The following MGST1 variants were observed in gnomAD, a reference collection of about 807,000 sequenced individuals.
The protein encoded by MGST1 is microsomal glutathione S-transferase 1, also known as glutathione S-transferase 12.
MGST1 carries 5 observed loss-of-function variants against 8.9 expected under a neutral mutation model. That is an observed-to-expected ratio of 0.56 (90% CI 0.29 to 1.19). The LOEUF (loss-of-function observed/expected upper bound fraction) is 1.19, where lower values mean the gene tolerates loss of function less well. Among genes scored for constraint, MGST1 ranks in the 50% most tolerant of loss-of-function variants. MGST1 has a pLI of 0.08. For missense variants in MGST1, 182 were observed against 187.4 expected (o/e 0.97, Z 0.17); for synonymous variants, 54 against 67.8 (o/e 0.80, Z 1.00).
intron 4 of MGST1, among the ~76,000 whole-genome samples, chr12:16,554,963 G>A (rs1019210498): frequency 1.3e-5 from 2 of 152,124 alleles, no homozygotes; most frequent in Non-Finnish European, 2.9e-5. Flanking sequence ...CGCCCGGCCA[G>A]GTTTAAATCT....
intron 1 of MGST1, among the ~76,000 whole-genome samples, chr12:16,425,837 C>G (rs188625349): frequency 6.6e-6 from 1 of 152,370 alleles, no homozygotes; most frequent in East Asian, 1.9e-4. Context: ...ACCCCATTTT[C>G]TATTCACACA....
Position 16,559,705 on chromosome 12 carries a change from C to T in MGST1, n.483-29823C>T, listed in dbSNP as rs1942317892. On this transcript the variant is annotated intron_variant and non_coding_transcript_variant, in intron 4 of 4. Coordinates refer to the MGST1 transcript ENST00000538857. The surrounding 1 kb of genome is among the most constrained non-coding windows in gnomAD (Gnocchi z 4.1). ...GTGGCTCATGCCTATAATCCCTGCA[C>T]TTTGGGAGGTGGAGGTGGGAGGATT... Among the ~76,000 whole-genome samples, 1 of 151,636 alleles carries T rather than the reference C, an allele frequency of 6.6e-6. No individual in the cohort carries two copies. The highest frequency in any genetic ancestry group is 2.4e-5 in the African/African-American group (1 of 41,216).
Position 16,535,790 on chromosome 12 carries a change from C to A in MGST1, n.483-53738C>A, listed in dbSNP as rs945459974. Among the ~76,000 whole-genome samples, 3 of 152,078 alleles carry A rather than the reference C, an allele frequency of 2.0e-5. No individual in the cohort carries two copies. In the South Asian group the frequency reaches 6.2e-4, roughly 32 times the overall value. On this transcript the variant is annotated intron_variant and non_coding_transcript_variant, in intron 4 of 4. Transcript: ENST00000538857. Reference sequence around the variant, plus strand: ...AGCATCAAAAATGTTCAGAAGAAAGCCTCCAAGATTATATAAATTTTGGAA... The same window carrying A: ...AGCATCAAAAATGTTCAGAAGAAAGACTCCAAGATTATATAAATTTTGGAA...
At chr12:16,504,084 T>C (rs1294360793) in intron 4 of MGST1, among the ~76,000 whole-genome samples, 1 of 152,186 alleles carries the variant, frequency 6.6e-6, no homozygotes, top group Non-Finnish European at 1.5e-5. Context: ...CTCCCCTGTG[T>C]CACTATCAGT....
At chr12:16,510,215 G>A (rs544627551) in intron 4 of MGST1, among the ~76,000 whole-genome samples, 1 of 152,206 alleles carries the variant, frequency 6.6e-6, no homozygotes, top group South Asian at 2.1e-4. Flanking sequence ...TAGTCTGCAG[G>A]CATAACAGGA....
chr12:16,383,170 C>A (rs1940473017), exon 1 of MGST1: 1 of 152,974 alleles, frequency 6.5e-6, no homozygotes, highest in African/African-American at 2.4e-5. Flanking sequence ...TACTGTCTGG[C>A]ACTCCCCAGC....
rs933306868 is a variant in MGST1, at chr12:16,369,769, T to G, written c.222-6353T>G. ...GAAAGTTTTCTGATTCTTGCTCCAGTAGGTTAGCCTGACTGTGCTATCACA... is the reference window on the plus strand; with the variant it reads ...GAAAGTTTTCTGATTCTTGCTCCAGGAGGTTAGCCTGACTGTGCTATCACA... On this transcript the variant is annotated intron_variant, in intron 3 of 3. Transcript: ENST00000535309. The surrounding 1 kb of genome is among the most constrained non-coding windows in gnomAD (Gnocchi z 4.8). 1.3e-5 allele frequency: 2 copies of G among 152,186 alleles called. No individual in the cohort carries two copies. The highest frequency in any genetic ancestry group is 4.8e-5 in the African/African-American group (2 of 41,440). 9.4% of individuals were successfully genotyped at this position (152,186 alleles called of 1,614,324 possible). A position where few individuals can be genotyped will look rare whatever the true frequency, so the allele number is the denominator to read the frequency against.
At chr12:16,490,887 G>C (rs12300931) in intron 4 of MGST1, among the ~76,000 whole-genome samples, 78,086 of 151,800 alleles carry the variant, frequency 0.51, 22,439 homozygotes, top group Non-Finnish European at 0.65. Context: ...AACATGAAAT[G>C]ACATGATTTA....
rs957541926 is a variant in MGST1 at position 16,394,510 on chromosome 12, C to T, written n.778+10906C>T. 8.4e-3 allele frequency among the ~76,000 whole-genome samples: 421 copies of T among 50,376 alleles called. 12 individuals carry two copies. The highest frequency in any genetic ancestry group is 0.026 in the African/African-American group (375 of 14,288). 33.0% of individuals were successfully genotyped at this position (50,376 alleles called of 152,430 possible). A position where few individuals can be genotyped will look rare whatever the true frequency, so the allele number is the denominator to read the frequency against. On this transcript the variant is annotated intron_variant and non_coding_transcript_variant, in intron 1 of 1. Coordinates refer to the MGST1 transcript ENST00000359720. ...CCTTTCTTTCTTTCTCTCTCTTTCT[C>T]TCCCTTTCTTTCTTTCTTTCTTTCT...
Position 16,547,637 on chromosome 12 carries a change from G to A in MGST1, n.483-41891G>A, listed in dbSNP as rs1442376311. Among the ~76,000 whole-genome samples the A allele has an allele frequency of 6.6e-6, 1 of 152,100 alleles. No individual in the cohort carries two copies. Among genetic ancestry groups the A allele is most frequent in the Non-Finnish European group, 1.5e-5 (1 of 68,020 alleles). ...GTCACATAGTAGGTGCGCAATAAAT[G>A]TCAATTAAACTAATGACTATTAAAT... On this transcript the variant is annotated intron_variant and non_coding_transcript_variant, in intron 4 of 4. Transcript: ENST00000538857. This position sits in a 1 kb window ranked among gnomAD's most constrained non-coding sequence, Gnocchi z 4.6.
intron 4 of MGST1, among the ~76,000 whole-genome samples, chr12:16,472,436 T>TTC (rs1428059640): frequency 6.6e-6 from 1 of 151,148 alleles, no homozygotes; most frequent in African/African-American, 2.4e-5. Context: ...TCCTTCTGTT[T>TTC]TTTTTTTTTT....
chr12:16,516,154 G>T (rs61915305), intron 4 of MGST1, among the ~76,000 whole-genome samples: 1 of 151,974 alleles, frequency 6.6e-6, no homozygotes, highest in Non-Finnish European at 1.5e-5. Flanking sequence ...TCTGGCTTAC[G>T]AGGTCTGTAT....
chr12:16,421,543 C>T (rs1301705100), intron 1 of MGST1, among the ~76,000 whole-genome samples: 3 of 152,132 alleles, frequency 2.0e-5, no homozygotes, highest in Non-Finnish European at 4.4e-5. Flanking sequence ...ATCTACAGTG[C>T]ATTTTGAAGA....
At chr12:16,479,436 G>A (rs11056953) in intron 4 of MGST1, among the ~76,000 whole-genome samples, 3,765 of 150,940 alleles carry the variant, frequency 0.025, 73 homozygotes, top group Non-Finnish European at 0.04. Flanking sequence ...GGGTTTCACC[G>A]CATTAGCCAG....
chr12:16,350,304 A>T (rs1388659914), intron 1 of MGST1, among the ~76,000 whole-genome samples: 1 of 152,218 alleles, frequency 6.6e-6, no homozygotes, highest in Admixed American at 6.5e-5. Flanking sequence ...AGAGGTTGAG[A>T]TACTTATTAC....
intron 4 of MGST1, among the ~76,000 whole-genome samples, chr12:16,505,235 C>T (rs945969644): frequency 1.3e-5 from 2 of 152,100 alleles, no homozygotes; most frequent in Non-Finnish European, 2.9e-5. Context: ...GGCAGCAATA[C>T]TTTCCACAAG....
At chr12:16,557,762 G>T (rs1056352905) in intron 4 of MGST1, among the ~76,000 whole-genome samples, 43 of 151,984 alleles carry the variant, frequency 2.8e-4, no homozygotes, top group Non-Finnish European at 5.6e-4. Flanking sequence ...TGCAAGAGAG[G>T]TATTAGTGTT....
chr12:16,508,690 G>A lies in MGST1; in HGVS notation n.483-80838G>A, dbSNP rs202034478. Among the ~76,000 whole-genome samples the A allele has an allele frequency of 3.2e-4, 49 of 152,194 alleles. No individual in the cohort carries two copies. In the East Asian group the frequency reaches 3.9e-3, roughly 12 times the overall value. On this transcript the variant is annotated intron_variant and non_coding_transcript_variant, in intron 4 of 4. Coordinates refer to the MGST1 transcript ENST00000538857. ...GACAACAGTTTAATTGCTGGACTGCGCAAAGATGGACACAGTCTCACTCTT... is the reference window on the plus strand; with the variant it reads ...GACAACAGTTTAATTGCTGGACTGCACAAAGATGGACACAGTCTCACTCTT...
chr12:16,472,195 A>G (rs1433815685), intron 4 of MGST1, among the ~76,000 whole-genome samples: 1 of 152,186 alleles, frequency 6.6e-6, no homozygotes. Flanking sequence ...GTAATCTTTC[A>G]GCCAACTTCT....
Sources: gnomAD v4.1 joint callset for allele counts (sites outside exome capture counted in the v4.1 genomes callset) on GRCh38, gnomAD v4.1.1 for gene constraint, Gnocchi (gnomAD v3.1) non-coding constraint, MANE v1.5 for transcripts, NCBI Gene and HGNC (gene_info 2026-07-23, HGNC 2026-07-21) for gene names.